Variants in CNTNAP2 observed in about 807,000 individuals in gnomAD.
CNTNAP2 encodes contactin associated protein 2, also known as contactin-associated protein-like 2.
Under a neutral mutation model 155.2 loss-of-function variants are expected in CNTNAP2, and 98 were observed. The ratio of observed to expected loss-of-function variants is 0.63; its 90% CI spans 0.54 to 0.75. The LOEUF is 0.75. CNTNAP2 is among the 30% of genes least tolerant of loss of function. CNTNAP2 has a pLI of 0.00. For missense variants in CNTNAP2, 1,727 were observed against 1,688.1 expected, an observed-to-expected ratio of 1.02 and a Z score of -0.40; for synonymous variants, 651 against 631.2, an observed-to-expected ratio of 1.03 and a Z score of -0.47.
intron 15 of CNTNAP2, chr7:148,013,032 C>T (rs1275984250): frequency 2.0e-5 from 3 of 152,134 alleles, no homozygotes; most frequent in Non-Finnish European, 2.9e-5. Flanking sequence ...CAATTATTAA[C>T]CCCAGTTAAA....
chr7:147,097,938 A>G (rs1800577384), intron 4 of CNTNAP2, among the ~76,000 whole-genome samples: 1 of 152,202 alleles, frequency 6.6e-6, no homozygotes, highest in Non-Finnish European at 1.5e-5. Context: ...GTCAGCCACA[A>G]CTGTAAATTT....
intron 3 of CNTNAP2, among the ~76,000 whole-genome samples, chr7:147,027,053 C>T (rs1013165598): frequency 2.8e-5 from 4 of 144,932 alleles, no homozygotes; most frequent in African/African-American, 7.7e-5. Flanking sequence ...CTTTGGATAA[C>T]ATTTTATGAC....
At chr7:146,643,236 T>C (rs1216828873) in intron 1 of CNTNAP2, among the ~76,000 whole-genome samples, 2 of 150,008 alleles carry the variant, frequency 1.3e-5, no homozygotes, top group South Asian at 2.1e-4. Flanking sequence ...TCCTTGCCCA[T>C]GCCTATGTCC....
intron 1 of CNTNAP2, among the ~76,000 whole-genome samples, chr7:146,394,094 G>C (rs1795585518): frequency 6.6e-6 from 1 of 152,132 alleles, no homozygotes. Flanking sequence ...CTGACCCATG[G>C]CAATTTGTGT....
rs1799974353 is a variant in CNTNAP2 at position 148,415,808 on chromosome 7, TTA to T, written c.*195_*196del. On this transcript the variant is annotated 3_prime_UTR_variant, in exon 24 of 24. Transcript: ENST00000361727. The stretch of plus-strand genomic sequence containing the variant: ...AAAAAAAAACCTTTTTAATATTTCT[TTA>T]TAGCTGAGTTTTCCCTTCTGTATCA... The T allele has an allele frequency of 6.1e-6, 4 of 654,118 alleles. No homozygotes were observed. The South Asian group carries it at 8.1e-5, about 13-fold the overall frequency. 40.5% of individuals were successfully genotyped at this position (654,118 alleles called of 1,614,324 possible).
At chr7:146,798,898 C>T (rs1283438796) in intron 2 of CNTNAP2, among the ~76,000 whole-genome samples, 1 of 152,036 alleles carries the variant, frequency 6.6e-6, no homozygotes. Context: ...GCCATTTTCT[C>T]ATATTTGTAC....
intron 15 of CNTNAP2, among the ~76,000 whole-genome samples, chr7:148,079,065 A>G (rs1050984285): frequency 2.0e-5 from 3 of 152,068 alleles, no homozygotes; most frequent in Admixed American, 6.6e-5. Flanking sequence ...TCTGTATGGC[A>G]TGTGACTTGC....
intron 15 of CNTNAP2, among the ~76,000 whole-genome samples, chr7:148,001,688 T>G (rs576467939): frequency 6.6e-6 from 1 of 152,202 alleles, no homozygotes; most frequent in Non-Finnish European, 1.5e-5. Context: ...ATGAGGATGA[T>G]TTTCTTCTTT....
chr7:146,740,567 A>G (rs572871036), intron 1 of CNTNAP2, among the ~76,000 whole-genome samples: 4 of 152,180 alleles, frequency 2.6e-5, no homozygotes, highest in South Asian at 4.2e-4. Context: ...GCTTATTCCA[A>G]TTTTTATAGT....
At chr7:147,576,966 C>T (rs181432124) in intron 12 of CNTNAP2, among the ~76,000 whole-genome samples, 63 of 152,130 alleles carry the variant, frequency 4.1e-4, no homozygotes, top group African/African-American at 1.4e-3. Flanking sequence ...TATATCTAAC[C>T]ATCCTTGGGA....
chr7:146,805,012 T>A (rs748863572), intron 2 of CNTNAP2, among the ~76,000 whole-genome samples: 1 of 152,202 alleles, frequency 6.6e-6, no homozygotes, highest in Non-Finnish European at 1.5e-5. Flanking sequence ...AAACATTTAT[T>A]TTAGTTGCTC....
intron 11 of CNTNAP2, among the ~76,000 whole-genome samples, chr7:147,493,126 C>T (rs1339107919): frequency 6.6e-6 from 1 of 152,148 alleles, no homozygotes. Flanking sequence ...TCCGTATACT[C>T]TTCATTCGGT....
At chr7:146,451,155 C>T (rs1393525721) in intron 1 of CNTNAP2, among the ~76,000 whole-genome samples, 1 of 152,122 alleles carries the variant, frequency 6.6e-6, no homozygotes, top group Non-Finnish European at 1.5e-5. Flanking sequence ...ACCGTGTTAG[C>T]CATGACGGTC....
At chr7:147,757,347 A>G (rs1797225785) in intron 13 of CNTNAP2, among the ~76,000 whole-genome samples, 1 of 152,178 alleles carries the variant, frequency 6.6e-6, no homozygotes, top group South Asian at 2.1e-4. Flanking sequence ...CTGTTTCCTT[A>G]AAGTATTCAA....
chr7:147,362,716 T>TTAA (rs1796165721), intron 9 of CNTNAP2, among the ~76,000 whole-genome samples: 1 of 152,122 alleles, frequency 6.6e-6, no homozygotes, highest in African/African-American at 2.4e-5. Context: ...AAAAACGTCA[T>TTAA]AAAACGCATA....
chr7:147,768,818 A>G (rs1797422425), intron 13 of CNTNAP2, among the ~76,000 whole-genome samples: 1 of 152,118 alleles, frequency 6.6e-6, no homozygotes, highest in African/African-American at 2.4e-5. Context: ...ACAAAAAATT[A>G]TGAACTGAAA....
chr7:146,670,921 C>A (rs929470984), intron 1 of CNTNAP2, among the ~76,000 whole-genome samples: 1 of 152,148 alleles, frequency 6.6e-6, no homozygotes, highest in South Asian at 2.1e-4. Flanking sequence ...GAGAAGGCAA[C>A]CCCATTCCCT....
intron 21 of CNTNAP2, among the ~76,000 whole-genome samples, chr7:148,382,592 T>C (rs890285787): frequency 6.6e-6 from 1 of 152,186 alleles, no homozygotes; most frequent in Admixed American, 6.5e-5. Context: ...CGTAGAGAGA[T>C]GCTGGAGAAG....
chr7:146,865,380 A>G (rs1159961702), intron 3 of CNTNAP2, among the ~76,000 whole-genome samples: 1 of 152,132 alleles, frequency 6.6e-6, no homozygotes, highest in East Asian at 1.9e-4. Flanking sequence ...AAAAAATTGG[A>G]GGAAATACAA....
Sources: gnomAD v4.1 joint callset for allele counts (sites outside exome capture counted in the v4.1 genomes callset) on GRCh38, gnomAD v4.1.1 for gene constraint, MANE v1.5 for transcripts, NCBI Gene and HGNC (gene_info 2026-07-23, HGNC 2026-07-21) for gene names.